MAPKAPK3: variants seen among roughly 807,000 people sequenced by gnomAD.
The protein encoded by MAPKAPK3 is MAP kinase-activated protein kinase 3.
In MAPKAPK3, 35 loss-of-function variants were observed where a neutral mutation model predicts 49.2. That is an observed-to-expected ratio of 0.71 (90% CI 0.54 to 0.94). The LOEUF is 0.94. Among genes scored for constraint, MAPKAPK3 ranks in the 40% least tolerant of loss-of-function variants. The pLI is 0.00. For missense variants in MAPKAPK3, 398 were observed against 493.1 expected (o/e 0.81, Z 1.83); for synonymous variants, 178 against 188.7 (o/e 0.94, Z 0.46).
intron 2 of MAPKAPK3, among the ~76,000 whole-genome samples, chr3:50,618,738 G>A (rs1167646176): frequency 6.6e-6 from 1 of 152,014 alleles, no homozygotes; most frequent in Non-Finnish European, 1.5e-5. Context: ...TCGCCAGGCT[G>A]GAGTGCAGTG....
intron 5 of MAPKAPK3, among the ~76,000 whole-genome samples, chr3:50,643,445 C>T (rs1386554210): frequency 6.6e-6 from 1 of 152,202 alleles, no homozygotes; most frequent in Non-Finnish European, 1.5e-5. Context: ...GCAGAGTCTG[C>T]TCCTCCTGGG....
At chr3:50,618,429 C>A (rs1413843408) in intron 2 of MAPKAPK3, among the ~76,000 whole-genome samples, 1 of 152,072 alleles carries the variant, frequency 6.6e-6, no homozygotes, top group Non-Finnish European at 1.5e-5. Context: ...CTAGCCACCT[C>A]AGACTATAGG....
intron 8 of MAPKAPK3, 36 bp from the exon 9 acceptor site, chr3:50,646,704 A>C: frequency 5.0e-5 from 65 of 1,296,494 alleles, no homozygotes; most frequent in Non-Finnish European, 6.6e-5. Flanking sequence ...TGGCTCTGCA[A>C]TCTCATCTCT....
intron 3 of MAPKAPK3, among the ~76,000 whole-genome samples, chr3:50,641,256 G>A (rs1408609302): frequency 6.6e-6 from 1 of 152,220 alleles, no homozygotes; most frequent in African/African-American, 2.4e-5. Context: ...GAGGCACAGA[G>A]AGGTGAAAGA....
chr3:50,643,979 C>T (rs908736839), intron 5 of MAPKAPK3, among the ~76,000 whole-genome samples: 1 of 152,186 alleles, frequency 6.6e-6, no homozygotes, highest in African/African-American at 2.4e-5. Flanking sequence ...AGGGCCTTCT[C>T]CCCTGAGCAA....
At position 50,647,159 on chromosome 3, in the gene MAPKAPK3, G is replaced by A; in HGVS notation, c.952G>A (p.Ala318Thr). The change falls in exon 10 of 11, where the codon GCC becomes ACC. Residue 318 changes from alanine to threonine, a missense_variant. Ala to Thr is a moderately conservative substitution (Grantham distance 58). Around this residue, in one of 5 missense-constraint regions of MAPKAPK3, gnomAD observed 152 missense variants for 177.3 expected, o/e 0.86. Coordinates refer to ENST00000621469, the MANE Select transcript of MAPKAPK3 (RefSeq NM_001243925.2). ...MVVPQTPLHTARVLQEDKDHW... is the reference protein window; with the variant it reads ...MVVPQTPLHTTRVLQEDKDHW... ...AGTGCCACAGACCCCACTCCACACGGCCCGAGTGCTGCAGGAGGACAAAGA... is the reference window on the plus strand; with the variant it reads ...AGTGCCACAGACCCCACTCCACACGACCCGAGTGCTGCAGGAGGACAAAGA... 1 of 1,596,470 alleles carries A rather than the reference G, an allele frequency of 6.3e-7. No homozygotes were observed. The highest frequency in any genetic ancestry group is 1.7e-4 in the Middle Eastern group (1 of 6,048).
At chr3:50,636,454 A>G (rs937666055) in intron 2 of MAPKAPK3, among the ~76,000 whole-genome samples, 4 of 152,220 alleles carry the variant, frequency 2.6e-5, no homozygotes, top group African/African-American at 7.2e-5. Context: ...AGCTAATTGT[A>G]TGTTGTGAGC....
intron 2 of MAPKAPK3, among the ~76,000 whole-genome samples, chr3:50,632,908 A>T (rs965440668): frequency 6.6e-6 from 1 of 152,208 alleles, no homozygotes; most frequent in Admixed American, 6.5e-5. Context: ...GGGGACACCC[A>T]TGTGTGGGTG....
At chr3:50,625,713 T>C (rs1381811141) in intron 2 of MAPKAPK3, among the ~76,000 whole-genome samples, 3 of 152,190 alleles carry the variant, frequency 2.0e-5, no homozygotes, top group African/African-American at 7.2e-5. Flanking sequence ...CATTTCTCCT[T>C]TTCCACCTGT....
rs947218862 is a variant in MAPKAPK3, at chr3:50,635,162, C to G, written c.220-5204C>G. The stretch of plus-strand genomic sequence containing the variant: ...TTCTCATGCCTGGGAAGATGGAGCT[C>G]TTACTTTGGGACATCTTTTGTGAAG... On this transcript the variant is annotated intron_variant, in intron 2 of 10. Coordinates refer to ENST00000621469, the MANE Select transcript of MAPKAPK3 (RefSeq NM_001243925.2). Among the ~76,000 whole-genome samples, 6 of 152,174 alleles carry G rather than the reference C, an allele frequency of 3.9e-5. No individual in the cohort carries two copies. In the South Asian group the frequency reaches 1.2e-3, roughly 32 times the overall value.
chr3:50,628,732 T>C (rs1357393020), intron 2 of MAPKAPK3, among the ~76,000 whole-genome samples: 1 of 152,130 alleles, frequency 6.6e-6, no homozygotes, highest in Non-Finnish European at 1.5e-5. Context: ...ACTTTCTCAC[T>C]GTAGAACCTC....
chr3:50,614,854 G>C (rs2032425034), upstream of MAPKAPK3, among the ~76,000 whole-genome samples: 1 of 152,138 alleles, frequency 6.6e-6, no homozygotes, highest in South Asian at 2.1e-4. Context: ...ATAGGGACTG[G>C]GAGGGGAGAA....
chr3:50,647,285 T>C (rs953481724), intron 10 of MAPKAPK3, 82 bp downstream of exon 10: 2 of 1,167,994 alleles, frequency 1.7e-6, no homozygotes, highest in East Asian at 5.1e-5. Context: ...ACCCAGGGTC[T>C]GGGGTCTTTG....
chr3:50,646,977 C>A, intron 9 of MAPKAPK3, 146 bp from the exon 10 acceptor site: 2 of 1,017,222 alleles, frequency 2.0e-6, no homozygotes, highest in Non-Finnish European at 3.0e-6. Context: ...TACAACCTGG[C>A]TTTGTCACTG....
chr3:50,647,066 C>T (rs2033317421), intron 9 of MAPKAPK3, 57 bp from the exon 10 acceptor site: 2 of 1,400,414 alleles, frequency 1.4e-6, no homozygotes, highest in South Asian at 1.2e-5. Flanking sequence ...GTAGGGGGAA[C>T]CAGTGCTGTC....
chr3:50,624,278 C>CGT (rs67821486), intron 2 of MAPKAPK3, among the ~76,000 whole-genome samples: 11,709 of 149,964 alleles, frequency 0.078, 1,108 homozygotes, highest in East Asian at 0.33. Flanking sequence ...TGTGCACTCA[C>CGT]GTGTGTGTGT....
chr3:50,634,335 C>T (rs112256201), intron 2 of MAPKAPK3, among the ~76,000 whole-genome samples: 6,030 of 151,992 alleles, frequency 0.04, 193 homozygotes, highest in Non-Finnish European at 0.051. Flanking sequence ...CTGTGTGTAC[C>T]TATTGGGCAC....
At chr3:50,612,044 A>G (rs1450381860) in exon 1 of MAPKAPK3, 1 of 219,640 alleles carries the variant, frequency 4.6e-6, no homozygotes, top group Non-Finnish European at 9.0e-6. Flanking sequence ...GAGCTGACCA[A>G]TCGCGACGCT....
rs542338972 is a variant in MAPKAPK3 at position 50,641,488 on chromosome 3, A to ACC, written c.360-218_360-217dup. On this transcript the variant is annotated intron_variant, in intron 3 of 10. Coordinates refer to ENST00000621469, the MANE Select transcript of MAPKAPK3 (RefSeq NM_001243925.2). ...GGCTTCTTGGCAGGGATCAGAGCCC[A>ACC]CCACCCTCTTCTAGTTCCAAGAGTT... Among the ~76,000 whole-genome samples the ACC allele has an allele frequency of 3.7e-4, 56 of 152,318 alleles. No individual in the cohort carries two copies. In the South Asian group the frequency reaches 0.012, roughly 32 times the overall value.
Sources: allele counts gnomAD v4.1 joint callset (sites outside exome capture counted in the v4.1 genomes callset), GRCh38; gene constraint gnomAD v4.1.1; regional missense constraint gnomAD v4.1.1; transcripts MANE v1.5; gene names NCBI Gene and HGNC (gene_info 2026-07-23, HGNC 2026-07-21).